ULK4: variants seen among roughly 807,000 people sequenced by gnomAD.
The protein encoded by ULK4 is inactive serine/threonine-protein kinase ULK4.
A neutral mutation model predicts 160.6 loss-of-function variants in ULK4; 133 were observed. The ratio of observed to expected loss-of-function variants is 0.83; its 90% confidence interval spans 0.72 to 0.96. ULK4 has a LOEUF of 0.96. Among genes scored for constraint, ULK4 ranks in the 40% least tolerant of loss-of-function variants. ULK4 has a pLI of 0.00. For missense variants in ULK4, 1,580 were observed against 1,499.5 expected (o/e 1.05, Z -0.89); for synonymous variants, 534 against 539.8 (o/e 0.99, Z 0.15).
At chr3:41,490,549 T>C (rs141362904) in intron 32 of ULK4, among the ~76,000 whole-genome samples, 1,557 of 152,308 alleles carry the variant, frequency 0.01, 11 homozygotes, top group Non-Finnish European at 0.015. Context: ...GTTCATACCA[T>C]TCAATTTTGC....
chr3:41,903,692 T>TA (rs920028315), intron 12 of ULK4, among the ~76,000 whole-genome samples: 2 of 151,762 alleles, frequency 1.3e-5, no homozygotes, highest in African/African-American at 4.8e-5. Flanking sequence ...GAATGCCATA[T>TA]AACAAATATC....
rs971862745 is a variant in ULK4 at position 41,404,056 on chromosome 3, G to A, written c.3493-5792C>T. On this transcript the variant is annotated intron_variant, in intron 34 of 36. Transcript: ENST00000301831. ...CCATGGGCACTGGAAAAAAAAATGC[G>A]TATTCTGTTGTTGTGTGAAGTGCTC... is the stretch of plus-strand genomic sequence containing the variant. Among the ~76,000 whole-genome samples, 9 of 152,156 alleles carry A rather than the reference G, an allele frequency of 5.9e-5. No homozygotes were observed. In the South Asian group the frequency reaches 6.2e-4, roughly 11 times the overall value.
At chr3:41,408,868 T>A (rs772942193) in intron 34 of ULK4, among the ~76,000 whole-genome samples, 5 of 152,118 alleles carry the variant, frequency 3.3e-5, no homozygotes, top group African/African-American at 7.2e-5. Flanking sequence ...AAAATAGTAT[T>A]CTCTACAAAT....
intron 31 of ULK4, among the ~76,000 whole-genome samples, chr3:41,574,917 C>T (rs925413434): frequency 2.0e-5 from 3 of 146,540 alleles, no homozygotes; most frequent in Non-Finnish European, 3.0e-5. Context: ...AGGCTGTAGG[C>T]CAACACAGGA....
chr3:41,764,184 T>A (rs1309050730), intron 21 of ULK4, among the ~76,000 whole-genome samples: 1 of 152,206 alleles, frequency 6.6e-6, no homozygotes, highest in African/African-American at 2.4e-5. Context: ...TACACGTGAT[T>A]TAGCTATGCT....
At chr3:41,525,536 C>T (rs1299717688) in intron 32 of ULK4, among the ~76,000 whole-genome samples, 3 of 152,176 alleles carry the variant, frequency 2.0e-5, no homozygotes, top group Non-Finnish European at 2.9e-5. Flanking sequence ...TCCCAAAGGG[C>T]ATAGTTCCTG....
chr3:41,329,279 G>GT (rs1298888228), intron 35 of ULK4, among the ~76,000 whole-genome samples: 11 of 152,244 alleles, frequency 7.2e-5, no homozygotes, highest in Non-Finnish European at 1.5e-4. Flanking sequence ...TGAAATCTCT[G>GT]TTTTTTCAGG....
chr3:41,501,716 T>C (rs546549770), intron 32 of ULK4, among the ~76,000 whole-genome samples: 8 of 152,310 alleles, frequency 5.3e-5, no homozygotes, highest in South Asian at 2.1e-4. Flanking sequence ...AATGCATTAT[T>C]GTTAACTATA....
chr3:41,351,497 A>G (rs2080909156), intron 35 of ULK4, among the ~76,000 whole-genome samples: 1 of 152,336 alleles, frequency 6.6e-6, no homozygotes, highest in Admixed American at 6.5e-5. Context: ...ATTCTGAAAT[A>G]CTGAAAATTA....
intron 22 of ULK4, among the ~76,000 whole-genome samples, chr3:41,747,836 A>G (rs6804435): frequency 3.0e-3 from 464 of 152,176 alleles, no homozygotes; most frequent in African/African-American, 0.011. Context: ...ACCTGTCGAC[A>G]CCTTGATCTT....
chr3:41,772,517 C>T (rs1265093198), intron 21 of ULK4, among the ~76,000 whole-genome samples: 1 of 152,024 alleles, frequency 6.6e-6, no homozygotes, highest in Non-Finnish European at 1.5e-5. Context: ...AAGACTAAAC[C>T]AGGAAGAAGT....
At chr3:41,720,094 C>T (rs1216111043) in intron 22 of ULK4, among the ~76,000 whole-genome samples, 1 of 152,144 alleles carries the variant, frequency 6.6e-6, no homozygotes, top group Non-Finnish European at 1.5e-5. Flanking sequence ...TGTCTCATAG[C>T]ATGGAAGGAT....
chr3:41,513,885 C>T (rs1382387666), intron 32 of ULK4, among the ~76,000 whole-genome samples: 1 of 152,046 alleles, frequency 6.6e-6, no homozygotes, highest in Non-Finnish European at 1.5e-5. Context: ...GTGATGGATG[C>T]ATCATAATCT....
intron 12 of ULK4, among the ~76,000 whole-genome samples, chr3:41,905,714 C>T (rs60285231): frequency 0.045 from 6,811 of 152,106 alleles, 476 homozygotes; most frequent in African/African-American, 0.16. Flanking sequence ...CCAATAAACA[C>T]ATAAAAAGAT....
intron 34 of ULK4, among the ~76,000 whole-genome samples, chr3:41,398,556 T>A (rs1170792930): frequency 6.9e-6 from 1 of 144,612 alleles, no homozygotes; most frequent in Non-Finnish European, 1.5e-5. Flanking sequence ...CCAGCTAATT[T>A]TTTTTTTTTT....
At chr3:41,924,081 C>T (rs1052057820) in intron 5 of ULK4, among the ~76,000 whole-genome samples, 13 of 152,228 alleles carry the variant, frequency 8.5e-5, no homozygotes, top group African/African-American at 2.9e-4. Flanking sequence ...AAGCTCTTTT[C>T]GATATTATTT....
At position 41,311,131 on chromosome 3, in the gene ULK4, G is replaced by A. The variant is rs1419602813; in HGVS notation, c.3679-61557C>T. Among the ~76,000 whole-genome samples, 3 of 152,276 alleles carry A rather than the reference G, an allele frequency of 2.0e-5. No individual in the cohort carries two copies. The East Asian group carries it at 5.8e-4, about 29-fold the overall frequency. On this transcript the variant is annotated intron_variant, in intron 35 of 36. Transcript: ENST00000301831. ...ATAGTACTCAGGTATTTTGCCAAACGTTATTCTAGATGTTCAACAAAATAA... is the reference window on the plus strand; with the variant it reads ...ATAGTACTCAGGTATTTTGCCAAACATTATTCTAGATGTTCAACAAAATAA...
intron 32 of ULK4, among the ~76,000 whole-genome samples, chr3:41,480,471 T>C (rs1309910616): frequency 6.6e-6 from 1 of 152,128 alleles, no homozygotes; most frequent in Non-Finnish European, 1.5e-5. Flanking sequence ...ACTCCTGAGA[T>C]AGCAAAACCA....
intron 3 of ULK4, among the ~76,000 whole-genome samples, chr3:41,936,312 A>C (rs565740147): frequency 1.3e-3 from 191 of 152,358 alleles, no homozygotes; most frequent in Non-Finnish European, 2.5e-3. Context: ...GTCAGGTCAC[A>C]TTCTGCAAAG....
Sources: allele counts gnomAD v4.1 joint callset (sites outside exome capture counted in the v4.1 genomes callset), GRCh38; gene constraint gnomAD v4.1.1; transcripts MANE v1.5; gene names NCBI Gene and HGNC (gene_info 2026-07-23, HGNC 2026-07-21).